Variants in COG1 observed in about 807,000 individuals in gnomAD.
COG1 encodes conserved oligomeric Golgi complex subunit 1.
A neutral mutation model predicts 102.2 loss-of-function variants in COG1; 61 were observed. That is an observed-to-expected ratio of 0.60 (90% CI 0.49 to 0.74). COG1 has a LOEUF of 0.74. Ranked by LOEUF, COG1 falls within the 30% of genes least tolerant of loss-of-function variation. The probability of loss-of-function intolerance (pLI) is 0.00; values close to 1 mark genes in which losing one functional copy is unlikely to be tolerated. For missense variants in COG1, 1,164 were observed against 1,232.1 expected (o/e 0.94, Z 0.83); for synonymous variants, 454 against 493.6 (o/e 0.92, Z 1.06).
At chr17:73,200,497 A>G (rs1233198071) in intron 5 of COG1, 69 bp from the exon 6 acceptor site, 2 of 1,267,048 alleles carry the variant, frequency 1.6e-6, no homozygotes, top group African/African-American at 2.9e-5. Context: ...TGGGATTCTG[A>G]TGTTTTTCTT....
At chr17:73,193,476 GAC>G (rs2145088675) in intron 1 of COG1, 92 bp downstream of exon 1, 3 of 1,285,596 alleles carry the variant, frequency 2.3e-6, no homozygotes, top group East Asian at 6.0e-5. Context: ...GTCAGTCCCA[GAC>G]CCCGCGAGTC....
In COG1 at chr17:73,207,866, C is replaced by T. The variant is rs1453015913; in HGVS notation, c.2806-448C>T. ...CAGTGTATCCTTTCCGTATTCCCTACCATCGAACCCATTAAGATCTAAAAT... is the reference window on the plus strand; with the variant it reads ...CAGTGTATCCTTTCCGTATTCCCTATCATCGAACCCATTAAGATCTAAAAT... On this transcript the variant is annotated intron_variant, in intron 13 of 13. Transcript: ENST00000299886. 6 of 1,203,110 alleles carry T rather than the reference C, an allele frequency of 5.0e-6. No individual in the cohort carries two copies. The East Asian group carries it at 3.0e-4, about 60-fold the overall frequency. 74.5% of individuals were successfully genotyped at this position (1,203,110 alleles called of 1,614,324 possible).
chr17:73,196,696 G>C lies in COG1; in HGVS notation c.505G>C (p.Val169Leu). 6.2e-7 allele frequency: 1 copy of C among 1,614,090 alleles called. No homozygotes were observed. The highest frequency in any genetic ancestry group is 8.5e-7 in the Non-Finnish European group (1 of 1,180,026). Reference protein sequence around the residue: ...LDSSSSRYSPVLSRFPILIRQ... With the variant: ...LDSSSSRYSPLLSRFPILIRQ... ...TTCTTCTAGTTCCCGATACAGTCCC[G>C]TCCTCTCCCGGTTTCCTATACTCAT... The change falls in exon 2 of 14, where the codon GTC becomes CTC. Residue 169 changes from valine to leucine, a missense_variant. By Grantham distance (32) the Val-to-Leu change is conservative. Coordinates refer to ENST00000299886, the MANE Select transcript of COG1 (RefSeq NM_018714.3).
Position 73,197,455 on chromosome 17 carries a change from G to A in COG1, c.913+59G>A, listed in dbSNP as rs7221701. ...TCACTCAACTGATAATTTGCTCAGC[G>A]TCTACCGTGTGCCAGCCACCATGCT... On this transcript the variant is annotated intron_variant, in intron 4 of 13. Transcript: ENST00000299886. 0.53 allele frequency: 836,129 copies of A among 1,580,124 alleles called. 222,120 individuals are homozygous for A. Among genetic ancestry groups the A allele is most frequent in the East Asian group, 0.62 (27,662 of 44,686 alleles).
In COG1 at chr17:73,201,857, A is replaced by T. The variant is rs760854375; in HGVS notation, c.2030A>T (p.Gln677Leu). ...GAGGTTAAAGAAGTACTCCTCCAGC[A>T]GAGCGTGATGGGCTACCAGGTCTGG... Reference protein sequence around the residue: ...WQEVKEVLLQQSVMGYQVWSS... With the variant: ...WQEVKEVLLQLSVMGYQVWSS... Residue 677 changes from glutamine (Q) to leucine (L), a missense_variant, in exon 7 of 14, where the codon CAG becomes CTG. By Grantham distance (113) the Gln-to-Leu change is moderately radical. Coordinates refer to ENST00000299886, the MANE Select transcript of COG1 (RefSeq NM_018714.3). 6.2e-7 allele frequency: 1 copy of T among 1,614,234 alleles called. No individual in the cohort carries two copies. The highest frequency in any genetic ancestry group is 1.7e-5 in the Admixed American group (1 of 60,026).
intron 13 of COG1, chr17:73,207,725 C>T: frequency 3.1e-6 from 4 of 1,291,856 alleles, no homozygotes; most frequent in South Asian, 2.5e-5. Flanking sequence ...GTTAAGCCTG[C>T]AGGAATCCTC....
chr17:73,206,296 G>A (rs746469981), intron 11 of COG1, 34 bp downstream of exon 11: 15 of 1,497,070 alleles, frequency 1.0e-5, no homozygotes, highest in South Asian at 3.4e-5. Flanking sequence ...TAGTGCGAAC[G>A]AAGCGATACA....
At chr17:73,207,041 C>A in intron 12 of COG1, 140 bp from the exon 13 acceptor site, 3 of 767,140 alleles carry the variant, frequency 3.9e-6, no homozygotes, top group Non-Finnish European at 6.4e-6. Context: ...TGCAGTGAGC[C>A]GAGATTGCGC....
chr17:73,194,066 A>G (rs899024161), intron 1 of COG1, among the ~76,000 whole-genome samples: 2 of 152,050 alleles, frequency 1.3e-5, no homozygotes, highest in African/African-American at 4.8e-5. Flanking sequence ...CTTCCCCCCA[A>G]ACGCTATTGA....
chr17:73,195,641 C>T (rs990245576), intron 1 of COG1, among the ~76,000 whole-genome samples: 2 of 150,096 alleles, frequency 1.3e-5, no homozygotes, highest in East Asian at 2.0e-4. Context: ...AGGCTGGGCG[C>T]GGTGGCTCAG....
chr17:73,206,274 C>A lies in COG1; in HGVS notation c.2619+12C>A. 2.5e-6 allele frequency: 4 copies of A among 1,603,042 alleles called. No homozygotes were observed. The highest frequency in any genetic ancestry group is 2.7e-5 in the African/African-American group (2 of 74,792). ...TGCAGCGAACTTCTGTGAGTCAAATCAAAAACATGCTTAGTGCGAACGAAG... is the reference window on the plus strand; with the variant it reads ...TGCAGCGAACTTCTGTGAGTCAAATAAAAAACATGCTTAGTGCGAACGAAG... On this transcript the variant is annotated intron_variant, in intron 11 of 13. Coordinates refer to ENST00000299886, the MANE Select transcript of COG1 (RefSeq NM_018714.3).
rs1241476666 is a variant in COG1 at position 73,193,402 on chromosome 17, C to G, written c.315+18C>G. On this transcript the variant is annotated intron_variant, in intron 1 of 13. Coordinates refer to ENST00000299886, the MANE Select transcript of COG1 (RefSeq NM_018714.3). ...CCCAGCAGGTCAGTCCCCGTGCCCCCACCCTGCGACCCGCAGGCGGGTCCC... is the reference window on the plus strand; with the variant it reads ...CCCAGCAGGTCAGTCCCCGTGCCCCGACCCTGCGACCCGCAGGCGGGTCCC... 2.8e-6 allele frequency: 4 copies of G among 1,404,272 alleles called. No individual in the cohort carries two copies. Among genetic ancestry groups the G allele is most frequent in the South Asian group, 3.2e-5 (2 of 63,366 alleles). 87.0% of individuals were successfully genotyped at this position (1,404,272 alleles called of 1,614,324 possible).
intron 4 of COG1, among the ~76,000 whole-genome samples, chr17:73,199,614 G>A (rs1247328663): frequency 6.6e-6 from 1 of 152,046 alleles, no homozygotes; most frequent in Admixed American, 6.6e-5. Context: ...TCACCTTGTT[G>A]CCCAGGCTTG....
intron 9 of COG1, chr17:73,205,140 G>T: frequency 3.7e-6 from 1 of 271,192 alleles, no homozygotes; most frequent in Non-Finnish European, 7.2e-6. Context: ...TCCAGCCTGG[G>T]CAACAAGGCG....
chr17:73,204,460 A>G (rs540346198), intron 9 of COG1, among the ~76,000 whole-genome samples: 4 of 152,074 alleles, frequency 2.6e-5, no homozygotes, highest in East Asian at 1.9e-4. Context: ...AGAGGTGCTT[A>G]CTTACGGGGA....
At chr17:73,199,599 G>A (rs1419552379) in intron 4 of COG1, among the ~76,000 whole-genome samples, 1 of 152,088 alleles carries the variant, frequency 6.6e-6, no homozygotes, top group Non-Finnish European at 1.5e-5. Context: ...TTTGGAGACA[G>A]GGTCTCACCT....
At position 73,207,268 on chromosome 17, in the gene COG1, G is replaced by A. The variant is rs1216292629; in HGVS notation, c.2805+12G>A. On this transcript the variant is annotated intron_variant, in intron 13 of 13. Transcript: ENST00000299886. ...AAACAAAAGCTCAGGTTGGTGCCAA[G>A]AGCAAGAGGCTCATCCGTGGATGGG... The A allele has an allele frequency of 6.2e-7, 1 of 1,613,758 alleles. No homozygotes were observed. Among genetic ancestry groups the A allele is most frequent in the African/African-American group, 1.3e-5 (1 of 74,854 alleles).
At chr17:73,202,043 TA>T (rs2061349169) in intron 7 of COG1, 143 bp downstream of exon 7, 1 of 1,006,200 alleles carries the variant, frequency 9.9e-7, no homozygotes, top group Admixed American at 2.0e-5. Flanking sequence ...GAAAGTTCAG[TA>T]AAAACTTTTT....
chr17:73,201,070 A>C (rs1406138070), intron 6 of COG1, 39 bp from the exon 7 acceptor site: 1 of 1,582,810 alleles, frequency 6.3e-7, no homozygotes, highest in Middle Eastern at 1.7e-4. Flanking sequence ...ATGTCCTTAA[A>C]GGAACTGTGA....
Sources: allele counts gnomAD v4.1 joint callset (sites outside exome capture counted in the v4.1 genomes callset), GRCh38; gene constraint gnomAD v4.1.1; transcripts MANE v1.5; gene names NCBI Gene and HGNC (gene_info 2026-07-23, HGNC 2026-07-21).